Variants in WDPCP observed in about 807,000 individuals in gnomAD.
WDPCP encodes WD repeat-containing and planar cell polarity effector protein fritz homolog.
A neutral mutation model predicts 93.1 loss-of-function variants in WDPCP; 71 were observed. That is an observed-to-expected ratio of 0.76 (90% confidence interval 0.63 to 0.93). WDPCP has a LOEUF of 0.93. Ranked by LOEUF, WDPCP falls within the 40% of genes least tolerant of loss-of-function variation. WDPCP has a pLI of 0.00. For synonymous variants in WDPCP, 315 were observed against 315.0 expected (o/e 1.00, Z 0.00); for missense variants, 844 against 887.4 (o/e 0.95, Z 0.62).
At chr2:63,581,736 G>T (rs1193469504) in intron 1 of WDPCP, among the ~76,000 whole-genome samples, 1 of 152,146 alleles carries the variant, frequency 6.6e-6, no homozygotes, top group Non-Finnish European at 1.5e-5. Flanking sequence ...GCTGGGCATG[G>T]TGGCTCAGGC....
chr2:63,746,459 G>A (rs551454873), intron 2 of WDPCP, among the ~76,000 whole-genome samples: 2 of 152,294 alleles, frequency 1.3e-5, no homozygotes, highest in African/African-American at 4.8e-5. Context: ...TAACCTTAAA[G>A]TCTGGCTGCC....
intron 3 of WDPCP, chr2:63,607,099 C>T (rs1342546990): frequency 9.1e-7 from 1 of 1,101,434 alleles, no homozygotes. Context: ...AAAAACAACA[C>T]ATTTTAAAGA....
intron 3 of WDPCP, chr2:63,643,405 A>T (rs1452688753): frequency 3.1e-6 from 1 of 321,242 alleles, no homozygotes; most frequent in Non-Finnish European, 6.0e-6. Context: ...GTGGGTGACA[A>T]ATCTGTTGCC....
chr2:63,412,940 A>G (rs1209610965), intron 9 of WDPCP, among the ~76,000 whole-genome samples: 2 of 152,252 alleles, frequency 1.3e-5, no homozygotes, highest in Non-Finnish European at 2.9e-5. Flanking sequence ...GAAAATGACC[A>G]TACTGCCAAA....
chr2:63,463,310 A>G (rs1025664739), intron 6 of WDPCP, among the ~76,000 whole-genome samples: 17 of 152,128 alleles, frequency 1.1e-4, no homozygotes, highest in African/African-American at 4.1e-4. Context: ...TCAGGAAAAA[A>G]GCATGATTAA....
chr2:63,751,641 G>T (rs2103884421), intron 2 of WDPCP: 1 of 483,466 alleles, frequency 2.1e-6, no homozygotes. Flanking sequence ...TAGCTTCCAT[G>T]TCCCTTCTCT....
rs189938999 is a variant in WDPCP, at chr2:63,485,101, T to C, written c.254-114A>G. 192 of 1,075,186 alleles carry C rather than the reference T, an allele frequency of 1.8e-4. No individual in the cohort carries two copies. In the Middle Eastern group the frequency reaches 1.8e-3, roughly 10 times the overall value. The allele number at this position is 1,075,186 out of a possible 1,614,324, so 66.6% of individuals were successfully genotyped here. A position where few individuals can be genotyped will look rare whatever the true frequency, so the allele number is the denominator to read the frequency against. ...AAACACCTCTATAATCGAGAGGAAG[T>C]GGGCTTCATTTCCATCATCAAATGA... is the stretch of plus-strand genomic sequence containing the variant. On this transcript the variant is annotated intron_variant, in intron 4 of 17. Coordinates refer to ENST00000272321, the MANE Select transcript of WDPCP (RefSeq NM_015910.7).
rs1673668595 is a variant in WDPCP, at chr2:63,174,694, C to T, written c.2054G>A (p.Arg685Lys). The T allele has an allele frequency of 6.2e-7, 1 of 1,613,748 alleles. No homozygotes were observed. The highest frequency in any genetic ancestry group is 1.7e-5 in the Admixed American group (1 of 59,982). The change falls in exon 15 of 18, where the codon AGA becomes AAA. Residue 685 changes from arginine (R) to lysine (K), a missense_variant. Transcript: ENST00000272321. ...CPTHRHILQQ[R>K]ILNGSSNRQI... ...CCTGTTAGAAGAGCCATTCAGTATT[C>T]TTTGTTGTAAAATATGTCTGTGGGT... is the stretch of plus-strand genomic sequence containing the variant.
At chr2:63,371,356 T>C (rs1233677598) in intron 12 of WDPCP, among the ~76,000 whole-genome samples, 1 of 152,158 alleles carries the variant, frequency 6.6e-6, no homozygotes, top group Non-Finnish European at 1.5e-5. Context: ...TGCAATAGCC[T>C]CCCAATGGGT....
chr2:63,723,371 T>C (rs147375656), intron 2 of WDPCP, among the ~76,000 whole-genome samples: 54 of 152,280 alleles, frequency 3.5e-4, no homozygotes, highest in African/African-American at 1.2e-3. Flanking sequence ...TTTCAAAGTA[T>C]ATGTCACTTC....
chr2:63,784,410 T>C (rs1670439427), intron 2 of WDPCP, among the ~76,000 whole-genome samples: 1 of 152,194 alleles, frequency 6.6e-6, no homozygotes, highest in Non-Finnish European at 1.5e-5. Context: ...CTGCACTTAA[T>C]AGCAGAATTT....
At chr2:63,622,475 G>T (rs913307190) in intron 3 of WDPCP, 11 of 1,613,816 alleles carry the variant, frequency 6.8e-6, no homozygotes, top group South Asian at 6.6e-5. Context: ...AGCCGCTGTT[G>T]TCAGAGTTCA....
At chr2:63,819,550 T>C (rs182736700) in intron 1 of WDPCP, among the ~76,000 whole-genome samples, 10 of 152,298 alleles carry the variant, frequency 6.6e-5, no homozygotes, top group Admixed American at 5.9e-4. Context: ...AAAATACAGC[T>C]TGCTGGGCTC....
intron 1 of WDPCP, among the ~76,000 whole-genome samples, chr2:63,503,716 G>GA (rs1356032563): frequency 1.3e-5 from 2 of 151,784 alleles, no homozygotes; most frequent in African/African-American, 2.4e-5. Flanking sequence ...TGAATAAATT[G>GA]AAAAAACGTA....
In WDPCP at chr2:63,259,429, T is replaced by G; in HGVS notation, c.1813-20A>C. The G allele has an allele frequency of 6.3e-7, 1 of 1,586,356 alleles. No homozygotes were observed. The highest frequency in any genetic ancestry group is 8.6e-7 in the Non-Finnish European group (1 of 1,160,394). On this transcript the variant is annotated intron_variant, in intron 13 of 17. Transcript: ENST00000272321. ...AATATCCTGAGGAAATAAAGCAAAA[T>G]AAAAGATTGATTCAAAATGAACCTT... is the stretch of plus-strand genomic sequence containing the variant.
upstream of WDPCP, chr2:63,590,753 C>G (rs1709182183): frequency 6.6e-6 from 1 of 152,174 alleles, no homozygotes; most frequent in Non-Finnish European, 1.5e-5. Flanking sequence ...CCAGATAACA[C>G]AGAGACAGAA....
intron 9 of WDPCP, among the ~76,000 whole-genome samples, chr2:63,417,080 T>C (rs1695488645): frequency 6.6e-6 from 1 of 152,160 alleles, no homozygotes; most frequent in Admixed American, 6.5e-5. Flanking sequence ...AAAAATAATG[T>C]AACTAAATGC....
intron 2 of WDPCP, among the ~76,000 whole-genome samples, chr2:63,745,643 TAC>T (rs5831669): frequency 0.78 from 117,179 of 149,662 alleles, 46,906 homozygotes; most frequent in East Asian, 0.94. Flanking sequence ...TGCACGCACT[TAC>T]ACACACACAC....
intron 10 of WDPCP, among the ~76,000 whole-genome samples, chr2:63,393,994 T>C (rs1352225544): frequency 1.3e-5 from 2 of 152,158 alleles, no homozygotes; most frequent in African/African-American, 4.8e-5. Flanking sequence ...GGAAATACCA[T>C]TTGGGCACAG....
Sources: gnomAD v4.1 joint callset for allele counts (sites outside exome capture counted in the v4.1 genomes callset) on GRCh38, gnomAD v4.1.1 for gene constraint, MANE v1.5 for transcripts, NCBI Gene and HGNC (gene_info 2026-07-23, HGNC 2026-07-21) for gene names.